Variants in GLIPR1L1 observed in about 807,000 individuals in gnomAD.
The protein encoded by GLIPR1L1 is GLIPR1-like protein 1.
In GLIPR1L1, 26 loss-of-function variants were observed where a neutral mutation model predicts 29.9. That is an observed-to-expected ratio of 0.87 (90% confidence interval 0.64 to 1.21). The LOEUF (loss-of-function observed/expected upper bound fraction) is 1.21. Ranked by LOEUF, GLIPR1L1 falls within the 50% of genes most tolerant of loss-of-function variation. The pLI, the probability that GLIPR1L1 is intolerant of heterozygous loss-of-function variation, is 0.00. For missense variants in GLIPR1L1, 305 were observed against 290.3 expected (o/e 1.05, Z -0.37); for synonymous variants, 77 against 97.5 (o/e 0.79, Z 1.24).
intron 3 of GLIPR1L1, among the ~76,000 whole-genome samples, chr12:75,359,266 T>C (rs2043383908): frequency 6.8e-6 from 1 of 147,434 alleles, no homozygotes. Context: ...TACTGAAAAC[T>C]ACATAATATC....
chr12:75,338,509 A>AT (rs895120641), intron 1 of GLIPR1L1, among the ~76,000 whole-genome samples: 4 of 151,082 alleles, frequency 2.6e-5, no homozygotes, highest in African/African-American at 9.7e-5. Context: ...CTTTTATTTC[A>AT]TTTTTTTTCC....
intron 4 of GLIPR1L1, among the ~76,000 whole-genome samples, chr12:75,367,470 C>A (rs943074188): frequency 6.6e-6 from 1 of 151,932 alleles, no homozygotes; most frequent in Non-Finnish European, 1.5e-5. Flanking sequence ...TAGCCTAGGC[C>A]TACACAGGGT....
At chr12:75,337,539 GAC>G (rs2041821301) in intron 1 of GLIPR1L1, among the ~76,000 whole-genome samples, 1 of 151,848 alleles carries the variant, frequency 6.6e-6, no homozygotes, top group African/African-American at 2.4e-5. Flanking sequence ...TTATAAAATT[GAC>G]ACAATATTTT....
chr12:75,357,617 G>T (rs896856421), intron 3 of GLIPR1L1, among the ~76,000 whole-genome samples: 9 of 151,992 alleles, frequency 5.9e-5, no homozygotes, highest in Admixed American at 5.9e-4. Context: ...TCATAAAACA[G>T]ATCTTGATAC....
At position 75,368,605 on chromosome 12, in the gene GLIPR1L1, A is replaced by C. The variant is rs532178069; in HGVS notation, c.611-1355A>C. The stretch of plus-strand genomic sequence containing the variant: ...AGATCCTTGTTAACTTTTTTTATTT[A>C]CAAATTTTTGCATTTATTTTTAGAA... On this transcript the variant is annotated intron_variant, in intron 4 of 5. Transcript: ENST00000378695. Among the ~76,000 whole-genome samples the C allele has an allele frequency of 2.0e-5, 3 of 151,528 alleles. No individual in the cohort carries two copies. The South Asian group carries it at 6.2e-4, about 31-fold the overall frequency.
At chr12:75,357,439 T>C (rs944706563) in intron 3 of GLIPR1L1, among the ~76,000 whole-genome samples, 10 of 152,058 alleles carry the variant, frequency 6.6e-5, no homozygotes, top group African/African-American at 2.4e-4. Flanking sequence ...ATTATCCCAT[T>C]TGATAAAAGG....
intron 4 of GLIPR1L1, among the ~76,000 whole-genome samples, chr12:75,364,456 C>G (rs2139635941): frequency 6.6e-6 from 1 of 152,352 alleles, no homozygotes; most frequent in South Asian, 2.1e-4. Flanking sequence ...CAGGTTCATC[C>G]TGTCCCTCAG....
At chr12:75,355,978 G>A (rs1219930066) in intron 3 of GLIPR1L1, among the ~76,000 whole-genome samples, 1 of 152,112 alleles carries the variant, frequency 6.6e-6, no homozygotes, top group Non-Finnish European at 1.5e-5. Flanking sequence ...GGGCCTGTTG[G>A]GGGTAGGGTG....
chr12:75,346,049 AC>A (rs1304347309), intron 2 of GLIPR1L1, among the ~76,000 whole-genome samples: 1 of 152,334 alleles, frequency 6.6e-6, no homozygotes, highest in East Asian at 1.9e-4. Flanking sequence ...TATTAGAGTT[AC>A]ATCCAATGTT....
At chr12:75,358,252 C>T (rs2043284862) in intron 3 of GLIPR1L1, among the ~76,000 whole-genome samples, 1 of 151,442 alleles carries the variant, frequency 6.6e-6, no homozygotes, top group African/African-American at 2.4e-5. Context: ...GTTCAAAAGA[C>T]AAAAATTACA....
At chr12:75,366,744 A>G in intron 4 of GLIPR1L1, 1 of 621,982 alleles carries the variant, frequency 1.6e-6, no homozygotes, top group South Asian at 1.9e-5. Context: ...GCAGTGTTTT[A>G]CCAATGAGTC....
intron 1 of GLIPR1L1, 66 bp downstream of exon 1, chr12:75,334,968 T>G (rs1357468961): frequency 1.1e-5 from 16 of 1,453,750 alleles, no homozygotes; most frequent in Non-Finnish European, 1.3e-5. Flanking sequence ...GGTGATAAAT[T>G]TCACGGACTT....
chr12:75,351,284 T>G (rs760933813), intron 3 of GLIPR1L1, among the ~76,000 whole-genome samples: 15 of 152,140 alleles, frequency 9.9e-5, no homozygotes, highest in Non-Finnish European at 1.9e-4. Context: ...CCAGGAGAAC[T>G]TCCTCAACCT....
intron 1 of GLIPR1L1, 68 bp downstream of exon 1, chr12:75,334,970 C>G: frequency 6.9e-7 from 1 of 1,448,216 alleles, no homozygotes; most frequent in Non-Finnish European, 9.5e-7. Context: ...TGATAAATTT[C>G]ACGGACTTAA....
rs916611011 is a variant in GLIPR1L1 at position 75,345,195 on chromosome 12, A to G, written c.420+1257A>G. ...ACTCTCATAACTATGAGAGTGTATCAAACTTCTCCTGAGCCATAATCTAGA... is the reference window on the plus strand; with the variant it reads ...ACTCTCATAACTATGAGAGTGTATCGAACTTCTCCTGAGCCATAATCTAGA... On this transcript the variant is annotated intron_variant, in intron 2 of 5. Transcript: ENST00000378695. 1.2e-4 allele frequency among the ~76,000 whole-genome samples: 18 copies of G among 152,068 alleles called. 1 individual carries two copies. The highest frequency in any genetic ancestry group is 9.2e-4 in the Admixed American group (14 of 15,278).
At chr12:75,345,765 G>A (rs1274792323) in intron 2 of GLIPR1L1, among the ~76,000 whole-genome samples, 1 of 152,134 alleles carries the variant, frequency 6.6e-6, no homozygotes, top group Non-Finnish European at 1.5e-5. Flanking sequence ...TCAAGGCTGA[G>A]TCATAGCTTT....
Position 75,343,873 on chromosome 12 carries a change from A to G in GLIPR1L1, c.355A>G (p.Asn119Asp). 1 of 1,611,362 alleles carries G rather than the reference A, an allele frequency of 6.2e-7. No homozygotes were observed. The highest frequency in any genetic ancestry group is 8.5e-7 in the Non-Finnish European group (1 of 1,177,688). Residue 119 changes from asparagine (N) to aspartate (D), a missense_variant, in exon 2 of 6, where the codon AAT becomes GAT. Transcript: ENST00000378695. ...TPRHAITAWY[N>D]ETQFYDFDSL... is the part of the protein sequence containing the mutation. Reference sequence around the variant, plus strand: ...AAGACATGCCATTACGGCTTGGTATAATGAAACCCAATTTTATGATTTTGA... The same window carrying G: ...AAGACATGCCATTACGGCTTGGTATGATGAAACCCAATTTTATGATTTTGA...
At chr12:75,337,631 T>C (rs1471016986) in intron 1 of GLIPR1L1, among the ~76,000 whole-genome samples, 4 of 152,008 alleles carry the variant, frequency 2.6e-5, no homozygotes, top group African/African-American at 9.7e-5. Flanking sequence ...TTTTTACATA[T>C]GTATACGTCA....
chr12:75,361,383 G>A (rs2043579439), intron 3 of GLIPR1L1, among the ~76,000 whole-genome samples: 1 of 152,178 alleles, frequency 6.6e-6, no homozygotes, highest in African/African-American at 2.4e-5. Flanking sequence ...TTAACTTGTA[G>A]CTTGGCTTTC....
Sources: allele counts gnomAD v4.1 joint callset (sites outside exome capture counted in the v4.1 genomes callset), GRCh38; gene constraint gnomAD v4.1.1; transcripts MANE v1.5; gene names NCBI Gene and HGNC (gene_info 2026-07-23, HGNC 2026-07-21).